Variants in RYR3 observed in about 807,000 individuals in gnomAD.
The protein encoded by RYR3 is brain ryanodine receptor-calcium release channel.
RYR3 carries 207 observed loss-of-function variants against 584.3 expected under a neutral mutation model. That is an observed-to-expected ratio of 0.35 (90% CI 0.32 to 0.40). RYR3 has a LOEUF of 0.40. Among genes scored for constraint, RYR3 ranks in the 10% least tolerant of loss-of-function variants. RYR3 has a pLI of 1.00. For missense variants in RYR3, 5,616 were observed against 6,089.2 expected (o/e 0.92, Z 2.59); for synonymous variants, 2,416 against 2,248.5 (o/e 1.07, Z -2.11).
intron 85 of RYR3, among the ~76,000 whole-genome samples, chr15:33,829,406 G>A (rs920125171): frequency 3.3e-5 from 5 of 152,046 alleles, no homozygotes; most frequent in African/African-American, 7.2e-5. Flanking sequence ...ATCTGGGCAC[G>A]GTAAGTTGAA....
chr15:33,850,603 A>G (rs2079036151), intron 94 of RYR3: 1 of 151,504 alleles, frequency 6.6e-6, no homozygotes, highest in Non-Finnish European at 1.5e-5. Flanking sequence ...GTACATGTTC[A>G]TGTTTTGTAA....
chr15:33,769,181 GC>G lies in RYR3; in HGVS notation c.8816+12del. The G allele has an allele frequency of 6.2e-7, 1 of 1,607,996 alleles. No homozygotes were observed. ...CAGACACTTGACACAAGGTAAGTCT[GC>G]CCAGTTTTTCCCAATAGTTTCTCAT... is the stretch of plus-strand genomic sequence containing the variant. On this transcript the variant is annotated intron_variant, in intron 62 of 103. Transcript: ENST00000634891.
intron 16 of RYR3, among the ~76,000 whole-genome samples, chr15:33,589,071 T>C (rs2058997952): frequency 6.6e-6 from 1 of 152,200 alleles, no homozygotes; most frequent in South Asian, 2.1e-4. Context: ...TTTACATTCC[T>C]ACCAACGTGT....
At chr15:33,801,485 G>A (rs953633009) in intron 68 of RYR3, among the ~76,000 whole-genome samples, 2 of 152,130 alleles carry the variant, frequency 1.3e-5, no homozygotes, top group African/African-American at 4.8e-5. Flanking sequence ...GCTTTGCAGG[G>A]CCCTTTCAAA....
intron 1 of RYR3, among the ~76,000 whole-genome samples, chr15:33,458,322 C>T (rs2047733610): frequency 6.6e-6 from 1 of 152,136 alleles, no homozygotes; most frequent in Non-Finnish European, 1.5e-5. Flanking sequence ...CAAATTCTCC[C>T]ACTCTCTGTG....
chr15:33,836,728 C>T (rs190391362), intron 87 of RYR3, among the ~76,000 whole-genome samples, 178 bp from the exon 88 acceptor site: 1 of 152,312 alleles, frequency 6.6e-6, no homozygotes, highest in East Asian at 1.9e-4. Flanking sequence ...TACAGTGAGT[C>T]TCCCGGTGCT....
chr15:33,736,322 C>A lies in RYR3; in HGVS notation c.7512C>A (p.Leu2504=), dbSNP rs747820191. 1 of 1,603,764 alleles carries A rather than the reference C, an allele frequency of 6.2e-7. No homozygotes were observed. The highest frequency in any genetic ancestry group is 8.5e-7 in the Non-Finnish European group (1 of 1,172,494). The change falls in exon 49 of 104, where the codon CTC becomes CTA. Residue 2504 remains leucine (L), a synonymous_variant. Coordinates refer to ENST00000634891, the MANE Select transcript of RYR3 (RefSeq NM_001036.6). ...TCAATGAATACTGCAAAATGCCTCT[C>A]AAGGTAAACATCACTATTGTTACAG... ...PQLNEYCKMP[L]KLLTNHYEQC...
chr15:33,758,644 A>G (rs979043132), intron 60 of RYR3, among the ~76,000 whole-genome samples: 2 of 152,184 alleles, frequency 1.3e-5, no homozygotes, highest in South Asian at 2.1e-4. Context: ...GGCAGCCCCA[A>G]TCCGGATTGT....
chr15:33,821,175 T>C (rs2077083949), intron 78 of RYR3, 95 bp from the exon 79 acceptor site: 3 of 912,186 alleles, frequency 3.3e-6, no homozygotes, highest in Non-Finnish European at 5.2e-6. Context: ...TTACCTTCCT[T>C]AGGTAACTGG....
At chr15:33,515,692 A>T (rs150765490) in intron 3 of RYR3, among the ~76,000 whole-genome samples, 8 of 152,384 alleles carry the variant, frequency 5.2e-5, no homozygotes, top group Non-Finnish European at 1.2e-4. Context: ...CGCTGGGCTG[A>T]ACCCTGGTCC....
At position 33,771,905 on chromosome 15, in the gene RYR3, A is replaced by G. The variant is rs549736400; in HGVS notation, c.8817-15A>G. On this transcript the variant is annotated splice_polypyrimidine_tract_variant and intron_variant, in intron 62 of 103. Transcript: ENST00000634891. The stretch of plus-strand genomic sequence containing the variant: ...TCAGATTATGCTTCTAGATTTGAAC[A>G]TTGTTTGCTTGCAGGACTGTCATGA... 3 of 1,585,370 alleles carry G rather than the reference A, an allele frequency of 1.9e-6. No individual in the cohort carries two copies. The highest frequency in any genetic ancestry group is 1.3e-5 in the African/African-American group (1 of 74,466).
intron 36 of RYR3, among the ~76,000 whole-genome samples, chr15:33,664,745 C>T (rs982941441): frequency 4.0e-5 from 6 of 151,710 alleles, no homozygotes; most frequent in Non-Finnish European, 7.4e-5. Context: ...ATAGAGTAAG[C>T]ATACATACAT....
At chr15:33,746,230 T>C in intron 53 of RYR3, 73 bp downstream of exon 53, 1 of 1,013,448 alleles carries the variant, frequency 9.9e-7, no homozygotes. Flanking sequence ...TCAGAGGAGT[T>C]CAGAGCACAT....
At chr15:33,473,345 G>GGT in intron 1 of RYR3, 74 bp from the exon 2 acceptor site, 1 of 1,591,084 alleles carries the variant, frequency 6.3e-7, no homozygotes, top group South Asian at 1.1e-5. Flanking sequence ...ACCTGACTCA[G>GGT]GTACAGGAAG....
intron 12 of RYR3, among the ~76,000 whole-genome samples, chr15:33,576,027 C>G (rs766370148): frequency 9.2e-5 from 14 of 152,014 alleles, no homozygotes; most frequent in Non-Finnish European, 1.9e-4. Context: ...GGATAAATTC[C>G]TGGACATATA....
chr15:33,731,899 G>C (rs2068986111), intron 48 of RYR3, among the ~76,000 whole-genome samples: 1 of 152,138 alleles, frequency 6.6e-6, no homozygotes, highest in South Asian at 2.1e-4. Flanking sequence ...TCCCTTTGGG[G>C]GAAGGGAGAG....
rs1008312528 is a variant in RYR3 at position 33,579,886 on chromosome 15, G to C, written c.1269-90G>C. 25 of 959,636 alleles carry C rather than the reference G, an allele frequency of 2.6e-5. No individual in the cohort carries two copies. The East Asian group carries it at 3.3e-4, about 13-fold the overall frequency. The allele number at this position is 959,636 out of a possible 1,614,324, so 59.4% of individuals were successfully genotyped here. A position where few individuals can be genotyped will look rare whatever the true frequency, so the allele number is the denominator to read the frequency against. On this transcript the variant is annotated intron_variant, in intron 12 of 103. Coordinates refer to ENST00000634891, the MANE Select transcript of RYR3 (RefSeq NM_001036.6). Reference sequence around the variant, plus strand: ...AAGGAAGCAACTCATGGTGCACCGTGGGGGGCTGTTAGGAGTGGGACCCAG... The same window carrying C: ...AAGGAAGCAACTCATGGTGCACCGTCGGGGGCTGTTAGGAGTGGGACCCAG...
At chr15:33,420,834 C>T (rs188011881) in intron 1 of RYR3, among the ~76,000 whole-genome samples, 1 of 152,220 alleles carries the variant, frequency 6.6e-6, no homozygotes, top group African/African-American at 2.4e-5. Context: ...AGATCAGAAC[C>T]TACTGTTGGT....
At chr15:33,398,647 C>A (rs1264156658) in intron 1 of RYR3, among the ~76,000 whole-genome samples, 1 of 152,090 alleles carries the variant, frequency 6.6e-6, no homozygotes, top group Non-Finnish European at 1.5e-5. Flanking sequence ...CTCTTCTCTC[C>A]CAGGTGGGTG....
Sources: gnomAD v4.1 joint callset for allele counts (sites outside exome capture counted in the v4.1 genomes callset) on GRCh38, gnomAD v4.1.1 for gene constraint, MANE v1.5 for transcripts, NCBI Gene and HGNC (gene_info 2026-07-23, HGNC 2026-07-21) for gene names.